OXR1: variants seen among roughly 807,000 people sequenced by gnomAD.
OXR1 encodes the protein oxidation resistance 1.
A neutral mutation model predicts 104.6 loss-of-function variants in OXR1; 41 were observed. The ratio of observed to expected loss-of-function variants is 0.39; its 90% CI spans 0.31 to 0.51. The LOEUF (loss-of-function observed/expected upper bound fraction) is 0.51. Among genes scored for constraint, OXR1 ranks in the 20% least tolerant of loss-of-function variants. The pLI is 0.77. For synonymous variants in OXR1, 348 were observed against 348.4 expected, an observed-to-expected ratio of 1.00 and a Z score of 0.01; for missense variants, 955 against 1,031.9, an observed-to-expected ratio of 0.93 and a Z score of 1.02.
chr8:106,717,956 T>A (rs1273411408), intron 11 of OXR1, among the ~76,000 whole-genome samples: 1 of 152,204 alleles, frequency 6.6e-6, no homozygotes, highest in African/African-American at 2.4e-5. Flanking sequence ...ACTTTACATT[T>A]TAGGACAGCT....
chr8:106,563,273 A>G (rs1350588496), intron 3 of OXR1, among the ~76,000 whole-genome samples: 1 of 148,326 alleles, frequency 6.7e-6, no homozygotes, highest in Non-Finnish European at 1.5e-5. Flanking sequence ...GGATGGAGGA[A>G]GATTTACCAA....
intron 1 of OXR1, among the ~76,000 whole-genome samples, chr8:106,311,239 G>C (rs1813687017): frequency 6.6e-6 from 1 of 151,726 alleles, no homozygotes; most frequent in Non-Finnish European, 1.5e-5. Flanking sequence ...TCCTGTTCTT[G>C]TTTCATGTTT....
At chr8:106,390,469 A>T (rs1279586719) in intron 2 of OXR1, among the ~76,000 whole-genome samples, 1 of 152,164 alleles carries the variant, frequency 6.6e-6, no homozygotes, top group African/African-American at 2.4e-5. Context: ...CCGTTAAGAG[A>T]TGCAAACTGT....
intron 11 of OXR1, among the ~76,000 whole-genome samples, chr8:106,723,999 T>C (rs2131476406): frequency 6.6e-6 from 1 of 151,870 alleles, no homozygotes; most frequent in East Asian, 1.9e-4. Context: ...TTGCCCACGC[T>C]GGTCTCAATC....
intron 6 of OXR1, among the ~76,000 whole-genome samples, chr8:106,691,836 A>G (rs760869141): frequency 6.6e-6 from 1 of 150,842 alleles, no homozygotes; most frequent in Non-Finnish European, 1.5e-5. Context: ...GCGATACAAT[A>G]TTACAGTTAA....
At chr8:106,750,319 C>CTTTCTTTTTTT (rs1563773398) in intron 16 of OXR1, among the ~76,000 whole-genome samples, 1 of 68,260 alleles carries the variant, frequency 1.5e-5, no homozygotes, top group African/African-American at 4.6e-5. Flanking sequence ...CTTTTCTTTT[C>CTTTCTTTTTTT]TTTTCTTTTT....
At chr8:106,465,448 T>A (rs1368375256) in intron 2 of OXR1, among the ~76,000 whole-genome samples, 1 of 152,002 alleles carries the variant, frequency 6.6e-6, no homozygotes, top group Non-Finnish European at 1.5e-5. Context: ...CTAGAGGTAC[T>A]GAACAGAAGA....
intron 3 of OXR1, among the ~76,000 whole-genome samples, chr8:106,527,210 C>T (rs2130194703): frequency 6.6e-6 from 1 of 152,246 alleles, no homozygotes; most frequent in African/African-American, 2.4e-5. Flanking sequence ...TATATTAGTG[C>T]CTAGGACTTG....
At chr8:106,686,872 A>C (rs952709937) in intron 6 of OXR1, among the ~76,000 whole-genome samples, 1 of 152,092 alleles carries the variant, frequency 6.6e-6, no homozygotes, top group Non-Finnish European at 1.5e-5. Context: ...TTTTTTGTTC[A>C]CATATGGAGG....
intron 3 of OXR1, among the ~76,000 whole-genome samples, chr8:106,523,458 C>G (rs1205744679): frequency 1.3e-5 from 2 of 152,086 alleles, no homozygotes; most frequent in African/African-American, 4.8e-5. Flanking sequence ...CAATATATCT[C>G]AGATGAAATT....
At chr8:106,440,048 ATC>A (rs1309007055) in intron 2 of OXR1, among the ~76,000 whole-genome samples, 2 of 152,082 alleles carry the variant, frequency 1.3e-5, no homozygotes, top group African/African-American at 2.4e-5. Flanking sequence ...CTTTTATTTC[ATC>A]TTCAACTAAA....
Position 106,718,749 on chromosome 8 carries a change from G to T in OXR1, c.1956+4764G>T, listed in dbSNP as rs536744833. Among the ~76,000 whole-genome samples, 13 of 151,526 alleles carry T rather than the reference G, an allele frequency of 8.6e-5. 1 individual carries two copies. The East Asian group carries it at 2.5e-3, about 30-fold the overall frequency. ...AGCTACTCGGGAGGCTGAGGCAGGA[G>T]AATGGCGTGAACCTGGGAGGTGGAG... On this transcript the variant is annotated intron_variant, in intron 11 of 16. Transcript: ENST00000517566.
chr8:106,340,888 A>G (rs937681591), intron 1 of OXR1, among the ~76,000 whole-genome samples: 2 of 152,142 alleles, frequency 1.3e-5, no homozygotes, highest in African/African-American at 2.4e-5. Context: ...TTCAACATTT[A>G]CTGATATTTG....
At chr8:106,636,007 A>C (rs1823102565) in intron 3 of OXR1, among the ~76,000 whole-genome samples, 1 of 152,146 alleles carries the variant, frequency 6.6e-6, no homozygotes, top group Non-Finnish European at 1.5e-5. Context: ...TTAATGCCTT[A>C]GTTATGATTT....
At chr8:106,277,775 C>A (rs915759799) in intron 1 of OXR1, among the ~76,000 whole-genome samples, 3 of 152,188 alleles carry the variant, frequency 2.0e-5, no homozygotes, top group African/African-American at 7.2e-5. Context: ...CAGGTTCAAA[C>A]CTAGTGAAGA....
chr8:106,444,450 A>G (rs781691321), intron 2 of OXR1, among the ~76,000 whole-genome samples: 15 of 152,326 alleles, frequency 9.8e-5, no homozygotes, highest in South Asian at 6.2e-4. Context: ...ATGTCCATCA[A>G]TGATAGACTG....
chr8:106,419,845 T>C (rs1200345137), intron 2 of OXR1, among the ~76,000 whole-genome samples: 1 of 152,142 alleles, frequency 6.6e-6, no homozygotes, highest in Non-Finnish European at 1.5e-5. Context: ...GAAATCAACA[T>C]GCGAATTGGA....
chr8:106,557,027 T>C (rs1816336176), intron 3 of OXR1, among the ~76,000 whole-genome samples: 1 of 152,314 alleles, frequency 6.6e-6, no homozygotes, highest in East Asian at 1.9e-4. Context: ...TTTTCTTTTT[T>C]CCCCAAACTC....
chr8:106,511,556 T>TAC (rs59970999), intron 2 of OXR1, among the ~76,000 whole-genome samples: 5,608 of 151,132 alleles, frequency 0.037, 225 homozygotes, highest in African/African-American at 0.1. Flanking sequence ...CTCTCTCTCA[T>TAC]ACACACACAC....
Sources: allele counts gnomAD v4.1 joint callset (sites outside exome capture counted in the v4.1 genomes callset), GRCh38; gene constraint gnomAD v4.1.1; transcripts MANE v1.5; gene names NCBI Gene and HGNC (gene_info 2026-07-23, HGNC 2026-07-21).